The following SPECC1 variants were observed in gnomAD, a reference collection of about 807,000 sequenced individuals.
SPECC1 encodes the protein cytospin-B.
In SPECC1, 62 loss-of-function variants were observed where a neutral mutation model predicts 104.1. That is an observed-to-expected ratio of 0.60 (90% confidence interval 0.49 to 0.74). The LOEUF is 0.74. Among genes scored for constraint, SPECC1 ranks in the 30% least tolerant of loss-of-function variants. The pLI is 0.00. For missense variants in SPECC1, 1,306 were observed against 1,310.5 expected, an observed-to-expected ratio of 1.00 and a Z score of 0.05; for synonymous variants, 513 against 501.6, an observed-to-expected ratio of 1.02 and a Z score of -0.30.
intron 3 of SPECC1, among the ~76,000 whole-genome samples, chr17:20,159,006 A>G (rs916240690): frequency 6.0e-5 from 9 of 149,830 alleles, no homozygotes. Context: ...CACCCAGGCT[A>G]GAGTGCAGTG....
rs1237752241 is a variant in SPECC1, at chr17:20,317,290, T to C, written c.*3225T>C. On this transcript the variant is annotated 3_prime_UTR_variant, in exon 15 of 15. Coordinates refer to ENST00000395527, the MANE Select transcript of SPECC1 (RefSeq NM_001243439.2). ...TTTTTTTTTTTTTTTTGAGAGAGCGTCTCACTTCTCTGTCACCCAGGCTAG... is the reference window on the plus strand; with the variant it reads ...TTTTTTTTTTTTTTTTGAGAGAGCGCCTCACTTCTCTGTCACCCAGGCTAG... 7.4e-6 allele frequency: 1 copy of C among 135,802 alleles called. No homozygotes were observed. The highest frequency in any genetic ancestry group is 1.5e-5 in the Non-Finnish European group (1 of 67,364). 8.4% of individuals were successfully genotyped at this position (135,802 alleles called of 1,614,324 possible). A position where few individuals can be genotyped will look rare whatever the true frequency, so the allele number is the denominator to read the frequency against.
chr17:20,116,246 G>A (rs796744157), intron 3 of SPECC1, among the ~76,000 whole-genome samples: 11 of 151,958 alleles, frequency 7.2e-5, no homozygotes, highest in African/African-American at 2.4e-4. Context: ...CCGCCACCAC[G>A]CCCAGCTAAT....
chr17:20,294,262 G>A (rs575434435), intron 12 of SPECC1, among the ~76,000 whole-genome samples: 97 of 152,306 alleles, frequency 6.4e-4, no homozygotes, highest in African/African-American at 1.9e-3. Context: ...GAATAGAGGC[G>A]TGAGCCACCA....
At chr17:20,066,672 A>C (rs146338161) in intron 1 of SPECC1, among the ~76,000 whole-genome samples, 209 of 152,304 alleles carry the variant, frequency 1.4e-3, no homozygotes, top group African/African-American at 4.0e-3. Context: ...AATTGTATTT[A>C]CTTTCTGCAA....
intron 3 of SPECC1, among the ~76,000 whole-genome samples, chr17:20,171,059 TAAA>T (rs2034051505): frequency 6.6e-6 from 1 of 152,230 alleles, no homozygotes; most frequent in African/African-American, 2.4e-5. Flanking sequence ...TTCATAGTGG[TAAA>T]AAACTGTTAT....
intron 1 of SPECC1, among the ~76,000 whole-genome samples, chr17:20,060,475 C>T (rs569921704): frequency 1.5e-4 from 22 of 151,614 alleles, no homozygotes; most frequent in African/African-American, 2.4e-4. Context: ...AGTGAGACTC[C>T]GACTCTACAA....
chr17:20,144,112 G>T (rs186653698), intron 3 of SPECC1, among the ~76,000 whole-genome samples: 464 of 151,208 alleles, frequency 3.1e-3, no homozygotes, highest in Admixed American at 5.1e-3. Flanking sequence ...GAACTTTGCA[G>T]TTGGGACGAT....
chr17:20,124,400 G>A (rs1443047853), intron 3 of SPECC1, among the ~76,000 whole-genome samples: 2 of 152,136 alleles, frequency 1.3e-5, no homozygotes, highest in African/African-American at 4.8e-5. Context: ...CTCAGCCTAT[G>A]GGAAATGTTG....
intron 1 of SPECC1, among the ~76,000 whole-genome samples, chr17:20,092,629 T>C (rs2047452146): frequency 6.6e-6 from 1 of 152,224 alleles, no homozygotes; most frequent in Non-Finnish European, 1.5e-5. Flanking sequence ...CCCATCACTG[T>C]GTGCTGCTGA....
At chr17:20,248,680 T>G (rs1170868798) in intron 9 of SPECC1, among the ~76,000 whole-genome samples, 1 of 152,260 alleles carries the variant, frequency 6.6e-6, no homozygotes, top group African/African-American at 2.4e-5. Flanking sequence ...TGTGGAAACT[T>G]ACATACTTTG....
Position 20,247,153 on chromosome 17 carries a change from A to G in SPECC1, c.2498-66A>G, listed in dbSNP as rs908794221. 1.4e-5 allele frequency: 18 copies of G among 1,277,448 alleles called. No homozygotes were observed. In the Admixed American group the frequency reaches 3.6e-4, roughly 25 times the overall value. 79.1% of individuals were successfully genotyped at this position (1,277,448 alleles called of 1,614,324 possible). ...CCACCAAAAAAAGTAACAAGAAATC[A>G]GGAACAAGTATATGCTATTTTGAAG... On this transcript the variant is annotated intron_variant, in intron 8 of 14. Coordinates refer to ENST00000395527, the MANE Select transcript of SPECC1 (RefSeq NM_001243439.2).
At chr17:20,047,112 T>A (rs1322248671) in intron 1 of SPECC1, among the ~76,000 whole-genome samples, 2 of 152,230 alleles carry the variant, frequency 1.3e-5, no homozygotes, top group Non-Finnish European at 2.9e-5. Context: ...GTGGGCTGGA[T>A]TAGGACTACA....
At chr17:20,070,529 A>T (rs568453928) in intron 1 of SPECC1, among the ~76,000 whole-genome samples, 1 of 152,106 alleles carries the variant, frequency 6.6e-6, no homozygotes, top group Non-Finnish European at 1.5e-5. Flanking sequence ...GGATTTTTCT[A>T]TATCTTATCT....
chr17:20,133,269 C>A (rs769705432), intron 3 of SPECC1, among the ~76,000 whole-genome samples: 1 of 150,502 alleles, frequency 6.6e-6, no homozygotes, highest in Non-Finnish European at 1.5e-5. Context: ...TTATTATTTC[C>A]TTATCTGAAA....
chr17:20,179,239 T>G (rs879288171), intron 3 of SPECC1, among the ~76,000 whole-genome samples: 1 of 152,268 alleles, frequency 6.6e-6, no homozygotes, highest in Non-Finnish European at 1.5e-5. Context: ...GCTGCTGCTG[T>G]GTTCCTGGGC....
At chr17:20,044,789 G>T (rs1267241641) in intron 1 of SPECC1, among the ~76,000 whole-genome samples, 3 of 152,138 alleles carry the variant, frequency 2.0e-5, no homozygotes, top group Non-Finnish European at 4.4e-5. Flanking sequence ...TATTAAAGTG[G>T]GTTTAGGCAG....
chr17:20,052,039 C>T (rs531431321), intron 1 of SPECC1, among the ~76,000 whole-genome samples: 2 of 152,012 alleles, frequency 1.3e-5, no homozygotes, highest in African/African-American at 2.4e-5. Context: ...ACAACTTCAA[C>T]AAAAAAACCC....
At chr17:20,238,261 A>G (rs2039027070) in intron 7 of SPECC1, 1 of 1,041,296 alleles carries the variant, frequency 9.6e-7, no homozygotes, top group Non-Finnish European at 1.2e-6. Context: ...CAACTACACC[A>G]AAGTTTCATG....
intron 3 of SPECC1, among the ~76,000 whole-genome samples, chr17:20,193,295 A>G (rs1433092770): frequency 2.0e-5 from 3 of 152,274 alleles, no homozygotes; most frequent in Admixed American, 6.5e-5. Flanking sequence ...TCTTGTGCCA[A>G]CCTGTTATCT....
Sources: gnomAD v4.1 joint callset for allele counts (sites outside exome capture counted in the v4.1 genomes callset) on GRCh38, gnomAD v4.1.1 for gene constraint, MANE v1.5 for transcripts, NCBI Gene and HGNC (gene_info 2026-07-23, HGNC 2026-07-21) for gene names.